DMD: variants seen among roughly 807,000 people sequenced by gnomAD.
The protein encoded by DMD is dystrophin.
Under a neutral mutation model 330.1 loss-of-function variants are expected in DMD, and 63 were observed. The observed-to-expected ratio is 0.19, with a 90% CI of 0.16 to 0.24. The LOEUF (loss-of-function observed/expected upper bound fraction) is 0.24, where lower values mean the gene tolerates loss of function less well. Ranked by LOEUF, DMD falls within the 10% of genes least tolerant of loss-of-function variation. The pLI, the probability that DMD is intolerant of heterozygous loss-of-function variation, is 1.00. For synonymous variants in DMD, 1,223 were observed against 959.8 expected (o/e 1.27, Z -5.07); for missense variants, 3,344 against 2,684.1 (o/e 1.25, Z -5.43).
rs184382220 is a variant in DMD at position 31,287,025 on chromosome X, A to G, written c.9225-26009T>C. On this transcript the variant is annotated intron_variant, in intron 62 of 78. Transcript: ENST00000357033. Reference sequence around the variant, plus strand: ...AGCGATCTGCCCTCCTCGGCCTCCCAAAGCCTGTTGGGATTACAGGCTTAA... The same window carrying G: ...AGCGATCTGCCCTCCTCGGCCTCCCGAAGCCTGTTGGGATTACAGGCTTAA... Among the ~76,000 whole-genome samples the G allele has an allele frequency of 2.2e-3, 251 of 112,463 alleles. 1 individual carries two copies. Among genetic ancestry groups the G allele is most frequent in the African/African-American group, 7.4e-3 (230 of 30,986 alleles).
chrX:32,660,939 A>G (rs2060903055), intron 9 of DMD, among the ~76,000 whole-genome samples: 1 of 111,398 alleles, frequency 9.0e-6, no homozygotes, highest in Non-Finnish European at 1.9e-5. Flanking sequence ...TTTAGTGTTC[A>G]TAGACATAGC....
intron 60 of DMD, among the ~76,000 whole-genome samples, chrX:31,349,085 GATA>G (rs1181904022): frequency 2.7e-5 from 3 of 112,285 alleles, no homozygotes; most frequent in East Asian, 5.5e-4. Flanking sequence ...TTGATTAATA[GATA>G]ATAAATCATT....
intron 44 of DMD, among the ~76,000 whole-genome samples, chrX:32,196,957 G>A (rs1452357536): frequency 2.1e-5 from 2 of 94,453 alleles, no homozygotes; most frequent in Non-Finnish European, 4.2e-5. Context: ...CTGTACTCCA[G>A]CCTGGGGTGA....
intron 54 of DMD, among the ~76,000 whole-genome samples, chrX:31,629,895 T>TA (rs779405638): frequency 8.9e-6 from 1 of 112,355 alleles, no homozygotes; most frequent in African/African-American, 3.2e-5. Context: ...CATTCCAGAA[T>TA]ATAAATGCAG....
intron 57 of DMD, among the ~76,000 whole-genome samples, chrX:31,483,599 G>T (rs911219512): frequency 4.5e-5 from 5 of 111,900 alleles, no homozygotes; most frequent in African/African-American, 1.6e-4. Flanking sequence ...CCAAAGAAAA[G>T]ACAAAGAAAG....
chrX:31,983,332 A>C (rs914931951), intron 44 of DMD, among the ~76,000 whole-genome samples: 7 of 111,058 alleles, frequency 6.3e-5, no homozygotes, highest in African/African-American at 2.3e-4. Flanking sequence ...TTAATACAAA[A>C]CTCAATATTT....
chrX:32,874,446 C>T (rs1056352221), intron 2 of DMD, among the ~76,000 whole-genome samples: 14 of 111,656 alleles, frequency 1.3e-4, no homozygotes, highest in South Asian at 3.8e-4. Context: ...TTTTCTCTCT[C>T]GCCTGGCTTG....
rs148737470 is a variant in DMD, at chrX:31,725,128, C to T, written c.7660+4503G>A. On this transcript the variant is annotated intron_variant, in intron 52 of 78. Coordinates refer to ENST00000357033, the MANE Select transcript of DMD (RefSeq NM_004006.3). Reference sequence around the variant, plus strand: ...GCCTCGGGCTTTAAAATCATATAGACGTGGGCTTGAATTCTACTTCCTCAC... The same window carrying T: ...GCCTCGGGCTTTAAAATCATATAGATGTGGGCTTGAATTCTACTTCCTCAC... 6.2e-3 allele frequency among the ~76,000 whole-genome samples: 694 copies of T among 111,481 alleles called. 3 individuals are homozygous for T. The highest frequency in any genetic ancestry group is 0.021 in the African/African-American group (641 of 30,654).
At chrX:31,182,989 G>A (rs1407267837) in intron 67 of DMD, 85 bp from the exon 68 acceptor site, 53 of 801,234 alleles carry the variant, frequency 6.6e-5, no homozygotes, top group Non-Finnish European at 8.3e-5. Flanking sequence ...ATATCAGTTC[G>A]ATTAATAAGT....
chrX:31,748,968 T>C (rs775671275), intron 51 of DMD, among the ~76,000 whole-genome samples: 4 of 111,392 alleles, frequency 3.6e-5, no homozygotes, highest in African/African-American at 1.3e-4. Context: ...GCTAGATGCT[T>C]TATAGTCATC....
intron 44 of DMD, among the ~76,000 whole-genome samples, chrX:32,008,817 C>A (rs769154023): frequency 3.4e-4 from 38 of 110,978 alleles, no homozygotes; most frequent in African/African-American, 1.1e-3. Flanking sequence ...GAGGAAGAGG[C>A]AGGAGAACTT....
chrX:32,928,965 G>T (rs1393081406), intron 2 of DMD, among the ~76,000 whole-genome samples: 1 of 111,673 alleles, frequency 9.0e-6, no homozygotes, highest in Non-Finnish European at 1.9e-5. Flanking sequence ...GTAAAGGAAG[G>T]TATGCATAGA....
intron 12 of DMD, among the ~76,000 whole-genome samples, chrX:32,597,034 T>A (rs2055633821): frequency 8.9e-6 from 1 of 111,853 alleles, no homozygotes; most frequent in South Asian, 3.7e-4. Flanking sequence ...TATACCATTC[T>A]CGCCCTCACA....
intron 39 of DMD, among the ~76,000 whole-genome samples, chrX:32,344,160 T>C (rs1221607318): frequency 8.9e-6 from 1 of 112,255 alleles, no homozygotes; most frequent in Non-Finnish European, 1.9e-5. Flanking sequence ...TTATAATTCA[T>C]GGGAACATAA....
chrX:31,894,326 C>A lies in DMD; in HGVS notation c.6913-18953G>T, dbSNP rs16989921. On this transcript the variant is annotated intron_variant, in intron 47 of 78. Coordinates refer to ENST00000357033, the MANE Select transcript of DMD (RefSeq NM_004006.3). ...GTAATGGACCTAGTGCAATGACCTA[C>A]ACCAAATGGCTAACAATTTTGTCCA... 9.9e-3 allele frequency among the ~76,000 whole-genome samples: 1,108 copies of A among 111,907 alleles called. 20 individuals carry two copies. The highest frequency in any genetic ancestry group is 0.034 in the African/African-American group (1,055 of 30,841).
At chrX:33,014,620 T>TA (rs1228470193) in intron 2 of DMD, among the ~76,000 whole-genome samples, 2 of 111,376 alleles carry the variant, frequency 1.8e-5, no homozygotes, top group Non-Finnish European at 3.8e-5. Context: ...TGCATTTCAA[T>TA]AGCATCATGA....
intron 59 of DMD, among the ~76,000 whole-genome samples, chrX:31,455,690 A>C (rs1008024552): frequency 8.9e-6 from 1 of 112,312 alleles, no homozygotes; most frequent in Admixed American, 9.4e-5. Context: ...TTCTTTGGGC[A>C]AGAATATAAC....
chrX:32,602,373 C>T (rs2056297555), intron 12 of DMD, among the ~76,000 whole-genome samples: 1 of 111,364 alleles, frequency 9.0e-6, no homozygotes, highest in African/African-American at 3.3e-5. Flanking sequence ...AAACCAATAA[C>T]ATTGAATAAA....
intron 2 of DMD, among the ~76,000 whole-genome samples, chrX:32,923,656 A>C (rs1157497583): frequency 8.9e-6 from 1 of 112,221 alleles, no homozygotes; most frequent in Non-Finnish European, 1.9e-5. Context: ...TGATTTTATT[A>C]ATAGTGATTA....
Sources: allele counts gnomAD v4.1 joint callset (sites outside exome capture counted in the v4.1 genomes callset), GRCh38; gene constraint gnomAD v4.1.1; transcripts MANE v1.5; gene names NCBI Gene and HGNC (gene_info 2026-07-23, HGNC 2026-07-21).